Variants in MAOA observed in about 807,000 individuals in gnomAD.
The protein encoded by MAOA is amine oxidase [flavin-containing] A.
Under a neutral mutation model 42.0 loss-of-function variants are expected in MAOA, and 6 were observed. The ratio of observed to expected loss-of-function variants is 0.14; its 90% CI spans 0.08 to 0.28. The LOEUF is 0.28. Among genes scored for constraint, MAOA ranks in the 10% least tolerant of loss-of-function variants. The pLI, the probability that MAOA is intolerant of heterozygous loss-of-function variation, is 1.00. For missense variants in MAOA, 262 were observed against 422.3 expected (o/e 0.62, Z 3.33); for synonymous variants, 140 against 154.0 (o/e 0.91, Z 0.67).
chrX:43,745,572 C>CTGTT lies in MAOA; in HGVS notation c.*1060_*1063dup, dbSNP rs1378611558. 1 of 111,680 alleles carries CTGTT rather than the reference C, an allele frequency of 9.0e-6. No individual in the cohort carries two copies. Among genetic ancestry groups the CTGTT allele is most frequent in the African/African-American group, 3.3e-5 (1 of 30,668 alleles). The allele number at this position is 111,680 out of a possible 1,213,427, so 9.2% of individuals were successfully genotyped here. A position where few individuals can be genotyped will look rare whatever the true frequency, so the allele number is the denominator to read the frequency against. On this transcript the variant is annotated 3_prime_UTR_variant, in exon 15 of 15. Transcript: ENST00000338702. ...ACTGAAATACATATGATAAATTTGA[C>CTGTT]TGTTATTTGTTGAGACTATCAAACA...
rs751315529 is a variant in MAOA at position 43,684,536 on chromosome X, CAAACA to C, written c.168+963_168+967del. Among the ~76,000 whole-genome samples the C allele has an allele frequency of 6.2e-3, 636 of 103,165 alleles. 3 individuals carry two copies. Among genetic ancestry groups the C allele is most frequent in the East Asian group, 0.013 (41 of 3,242 alleles). 89.6% of individuals were successfully genotyped at this position (103,165 alleles called of 115,157 possible). A position where few individuals can be genotyped will look rare whatever the true frequency, so the allele number is the denominator to read the frequency against. The stretch of plus-strand genomic sequence containing the variant: ...ACAGTCAACTGACACAATATGAAGG[CAAACA>C]AAACAAAACAAAACAAAACAAAACA... On this transcript the variant is annotated intron_variant, in intron 2 of 14. Transcript: ENST00000338702.
chrX:43,693,281 C>G lies in MAOA; in HGVS notation c.169-10C>G, dbSNP rs1264354984. The stretch of plus-strand genomic sequence containing the variant: ...CTAAAGTCCTCTGACCAATTTTTCT[C>G]TTTTTGCAGAATGAGCATGTTGATT... On this transcript the variant is annotated splice_polypyrimidine_tract_variant and intron_variant, in intron 2 of 14. Coordinates refer to ENST00000338702, the MANE Select transcript of MAOA (RefSeq NM_000240.4). 4 of 1,210,346 alleles carry G rather than the reference C, an allele frequency of 3.3e-6. No individual in the cohort carries two copies. In the South Asian group the frequency reaches 7.0e-5, roughly 21 times the overall value.
At chrX:43,698,068 T>C (rs899602090) in intron 3 of MAOA, among the ~76,000 whole-genome samples, 4 of 112,361 alleles carry the variant, frequency 3.6e-5, no homozygotes, top group African/African-American at 1.3e-4. Context: ...TTTCATAATC[T>C]AATACAGTCA....
Position 43,686,219 on chromosome X carries a change from C to T in MAOA, c.168+2612C>T, listed in dbSNP as rs58795273. 1.0e-2 allele frequency among the ~76,000 whole-genome samples: 1,121 copies of T among 112,156 alleles called. 16 individuals are homozygous for T. The highest frequency in any genetic ancestry group is 0.034 in the African/African-American group (1,062 of 30,839). On this transcript the variant is annotated intron_variant, in intron 2 of 14. Coordinates refer to ENST00000338702, the MANE Select transcript of MAOA (RefSeq NM_000240.4). The stretch of plus-strand genomic sequence containing the variant: ...TCTCTAAAACCTTTTGGTTATTAAA[C>T]AGGAGCATTAGTCATGTTGCGGATT...
At chrX:43,737,216 A>G (rs1488163191) in intron 10 of MAOA, among the ~76,000 whole-genome samples, 39 of 110,785 alleles carry the variant, frequency 3.5e-4, no homozygotes, top group African/African-American at 1.2e-3. Flanking sequence ...TTGAATCTCA[A>G]CAATCATGGG....
At chrX:43,695,170 A>G (rs1342828865) in intron 3 of MAOA, among the ~76,000 whole-genome samples, 1 of 111,697 alleles carries the variant, frequency 9.0e-6, no homozygotes, top group East Asian at 2.8e-4. Context: ...CTCTGAATGG[A>G]GATGTGCTGG....
intron 3 of MAOA, among the ~76,000 whole-genome samples, chrX:43,707,813 A>T (rs1295342708): frequency 3.6e-5 from 4 of 112,004 alleles, no homozygotes; most frequent in African/African-American, 1.3e-4. Flanking sequence ...TATTTTCCAG[A>T]TGATTAAAGA....
chrX:43,670,144 A>C (rs2033317333), intron 1 of MAOA, among the ~76,000 whole-genome samples: 1 of 112,151 alleles, frequency 8.9e-6, no homozygotes, highest in Non-Finnish European at 1.9e-5. Flanking sequence ...AAGGCAGAAC[A>C]ATTATTATCT....
chrX:43,689,089 A>C (rs1271185836), intron 2 of MAOA, among the ~76,000 whole-genome samples: 1 of 108,384 alleles, frequency 9.2e-6, no homozygotes, highest in Non-Finnish European at 1.9e-5. Context: ...TTATTTATTT[A>C]TTTATTTTGA....
chrX:43,728,444 A>G (rs1043169059), intron 6 of MAOA, 130 bp downstream of exon 6: 14 of 779,238 alleles, frequency 1.8e-5, no homozygotes, highest in Admixed American at 8.0e-5. Flanking sequence ...AATGATCTCA[A>G]AAGATTTTCT....
In MAOA at chrX:43,731,309, G is replaced by A. The variant is rs1408871506; in HGVS notation, c.714G>A (p.Val238=). Residue 238 remains valine, a synonymous_variant, in exon 7 of 15, where the codon GTG becomes GTA. Coordinates refer to ENST00000338702, the MANE Select transcript of MAOA (RefSeq NM_000240.4). ...ERIMDLLGDQ[V]KLNHPVTHVD... is the part of the protein sequence containing the mutation. ...TAATGGACCTCCTCGGAGACCAAGTGAAGCTGAACCATCCTGTCACTCACG... is the reference window on the plus strand; with the variant it reads ...TAATGGACCTCCTCGGAGACCAAGTAAAGCTGAACCATCCTGTCACTCACG... 5.8e-6 allele frequency: 7 copies of A among 1,207,255 alleles called. No individual in the cohort carries two copies. The highest frequency in any genetic ancestry group is 2.2e-5 in the Admixed American group (1 of 45,840).
At chrX:43,671,315 T>G (rs1455061163) in intron 1 of MAOA, among the ~76,000 whole-genome samples, 3 of 109,439 alleles carry the variant, frequency 2.7e-5, no homozygotes, top group African/African-American at 1.0e-4. Flanking sequence ...TAAATTTGTT[T>G]GAGTTCATTG....
chrX:43,723,600 C>T (rs186459011), intron 5 of MAOA, among the ~76,000 whole-genome samples: 1,152 of 111,397 alleles, frequency 0.01, 11 homozygotes, highest in African/African-American at 0.035. Flanking sequence ...GACGATGGGG[C>T]TTTCTAAATA....
intron 1 of MAOA, among the ~76,000 whole-genome samples, chrX:43,664,153 G>T (rs2033257983): frequency 8.9e-6 from 1 of 111,766 alleles, no homozygotes; most frequent in African/African-American, 3.2e-5. Context: ...TTTTTAAATA[G>T]ACCATGATGA....
intron 2 of MAOA, among the ~76,000 whole-genome samples, chrX:43,684,914 G>A (rs1329333069): frequency 1.7e-5 from 1 of 57,380 alleles, no homozygotes; most frequent in Non-Finnish European, 3.0e-5. Flanking sequence ...TTTTGCTCTT[G>A]TCGCCCAGGC....
Position 43,728,169 on chromosome X carries a change from A to G in MAOA, c.504-4A>G. 1 of 1,210,170 alleles carries G rather than the reference A, an allele frequency of 8.3e-7. No individual in the cohort carries two copies. Among genetic ancestry groups the G allele is most frequent in the Non-Finnish European group, 1.1e-6 (1 of 894,079 alleles). On this transcript the variant is annotated splice_polypyrimidine_tract_variant and splice_region_variant and intron_variant, in intron 5 of 14. Transcript: ENST00000338702. Reference sequence around the variant, plus strand: ...CCTGACTTCCACTTTTGTTCTATGAACAGGACTGCTAGGCGGTTTGCTTAT... The same window carrying G: ...CCTGACTTCCACTTTTGTTCTATGAGCAGGACTGCTAGGCGGTTTGCTTAT...
At chrX:43,661,097 A>G (rs1244318140) in intron 1 of MAOA, among the ~76,000 whole-genome samples, 1 of 111,804 alleles carries the variant, frequency 8.9e-6, no homozygotes, top group East Asian at 2.8e-4. Flanking sequence ...CTTTGAACGC[A>G]TTTAAGGATA....
At chrX:43,655,438 A>G (rs1347486825), upstream of MAOA, 2 of 111,895 alleles carry the variant, frequency 1.8e-5, no homozygotes, top group Non-Finnish European at 3.8e-5. Context: ...GGTCTTAGCG[A>G]GAGTACTGAC....
intron 9 of MAOA, among the ~76,000 whole-genome samples, chrX:43,735,753 G>A (rs1415390434): frequency 8.9e-6 from 1 of 112,693 alleles, no homozygotes; most frequent in Admixed American, 9.4e-5. Flanking sequence ...CTGCTGCCCC[G>A]TCCAATTACT....
Sources: gnomAD v4.1 joint callset for allele counts (sites outside exome capture counted in the v4.1 genomes callset) on GRCh38, gnomAD v4.1.1 for gene constraint, MANE v1.5 for transcripts, NCBI Gene and HGNC (gene_info 2026-07-23, HGNC 2026-07-21) for gene names.